RGL3: variants seen among roughly 807,000 people sequenced by gnomAD.
The protein encoded by RGL3 is ral guanine nucleotide dissociation stimulator like 3.
RGL3 carries 85 observed loss-of-function variants against 90.6 expected under a neutral mutation model. The ratio of observed to expected loss-of-function variants is 0.94; its 90% confidence interval spans 0.79 to 1.12. The LOEUF (loss-of-function observed/expected upper bound fraction) is 1.12. Ranked by LOEUF, RGL3 falls within the 50% of genes most tolerant of loss-of-function variation. RGL3 has a pLI of 0.00. For missense variants in RGL3, 1,034 were observed against 939.2 expected, an observed-to-expected ratio of 1.10 and a Z score of -1.32; for synonymous variants, 408 against 385.5, an observed-to-expected ratio of 1.06 and a Z score of -0.68.
rs12610385 is a variant in RGL3, at chr19:11,396,389, C to T, written c.2014+855G>A. Among the ~76,000 whole-genome samples, 1,332 of 150,874 alleles carry T rather than the reference C, an allele frequency of 8.8e-3. 21 individuals are homozygous for T. Among genetic ancestry groups the T allele is most frequent in the East Asian group, 0.059 (299 of 5,078 alleles). ...TTCACCATGTTGGCCAGGCTGGTCT[C>T]GAACTCCTGACCTCAAGTGATCCAC... On this transcript the variant is annotated intron_variant, in intron 18 of 18. Transcript: ENST00000380456.
chr19:11,418,608 C>A, intron 2 of RGL3, 63 bp downstream of exon 2: 1 of 1,346,718 alleles, frequency 7.4e-7, no homozygotes, highest in Non-Finnish European at 1.0e-6. Flanking sequence ...GTGCTCGGCT[C>A]TCCAGCTCCG....
intron 1 of RGL3, 118 bp downstream of exon 1, chr19:11,419,128 G>A: frequency 9.0e-7 from 1 of 1,114,612 alleles, no homozygotes; most frequent in Non-Finnish European, 1.3e-6. Flanking sequence ...GTCCCCAGGA[G>A]GGGACTCCAG....
At position 11,416,088 on chromosome 19, in the gene RGL3, GT is replaced by G; in HGVS notation, c.485del (p.His162ProfsTer94). On this transcript the variant is annotated frameshift_variant, in exon 5 of 19. Coordinates refer to ENST00000380456, the MANE Select transcript of RGL3 (RefSeq NM_001035223.4). LOFTEE classifies it high-confidence loss of function. ...LQDHPQDFRDHPAHSDLGSVR... is the reference protein window; with the variant it reads ...LQDHPQDFRDXPAHSDLGSVR... ...CACTGCCCAGGTCCGAATGGGCAGG[GT>G]GGTCTCGGAAATCCTGAGGGTGGTC... is the stretch of plus-strand genomic sequence containing the variant. 3 of 1,609,340 alleles carry G rather than the reference GT, an allele frequency of 1.9e-6. No individual in the cohort carries two copies. The highest frequency in any genetic ancestry group is 2.2e-5 in the East Asian group (1 of 44,800).
At chr19:11,396,523 C>T (rs1968576155) in intron 18 of RGL3, among the ~76,000 whole-genome samples, 2 of 151,576 alleles carry the variant, frequency 1.3e-5, no homozygotes, top group African/African-American at 4.9e-5. Context: ...CCAGGCTGGT[C>T]TCAAACTCCT....
intron 2 of RGL3, chr19:11,418,459 C>G: frequency 1.7e-6 from 1 of 579,218 alleles, no homozygotes; most frequent in Non-Finnish European, 3.1e-6. Context: ...GGGAACTGCG[C>G]GGCCATCGCC....
At chr19:11,405,946 T>C (rs1230433590) in intron 7 of RGL3, among the ~76,000 whole-genome samples, 4 of 151,126 alleles carry the variant, frequency 2.6e-5, no homozygotes, top group Non-Finnish European at 5.9e-5. Context: ...CCTAGGCTGG[T>C]CTCAAACTCA....
chr19:11,413,889 G>A (rs1968914013), intron 5 of RGL3, among the ~76,000 whole-genome samples: 2 of 147,860 alleles, frequency 1.4e-5, no homozygotes, highest in East Asian at 2.0e-4. Flanking sequence ...GACTACAGGC[G>A]CTCGCCACCA....
At chr19:11,406,701 G>A (rs1335636423) in intron 6 of RGL3, 21 bp downstream of exon 6, 5 of 1,612,772 alleles carry the variant, frequency 3.1e-6, no homozygotes, top group Non-Finnish European at 4.2e-6. Flanking sequence ...GGCTCATCCC[G>A]ACCCTGTCCG....
intron 5 of RGL3, chr19:11,411,498 C>T (rs1017900780): frequency 6.6e-6 from 1 of 152,156 alleles, no homozygotes. Context: ...GTGGTCCCAG[C>T]TACTCAGGAG....
intron 16 of RGL3, among the ~76,000 whole-genome samples, chr19:11,397,999 A>T (rs444731): frequency 0.16 from 23,477 of 151,270 alleles, 2,926 homozygotes; most frequent in African/African-American, 0.36. Context: ...ACAGAGCAAG[A>T]CTCCATCTCA....
intron 9 of RGL3, among the ~76,000 whole-genome samples, chr19:11,403,601 T>C (rs1968719333): frequency 6.9e-6 from 1 of 144,186 alleles, no homozygotes; most frequent in African/African-American, 2.6e-5. Flanking sequence ...GATCGCACCA[T>C]TGCACTCCAG....
intron 5 of RGL3, among the ~76,000 whole-genome samples, chr19:11,412,280 C>CAAAAAA (rs35289278): frequency 1.5e-5 from 1 of 65,630 alleles, no homozygotes. Context: ...AACTCCGTCT[C>CAAAAAA]AAAAAAAAAA....
In RGL3 at chr19:11,397,557, G is replaced by A. The variant is rs770731388; in HGVS notation, c.1787C>T (p.Ala596Val). 4 of 1,599,368 alleles carry A rather than the reference G, an allele frequency of 2.5e-6. No individual in the cohort carries two copies. The South Asian group carries it at 3.3e-5, about 13-fold the overall frequency. ...SLDLPSPRPF[A>V]LPLGSPRIPL... ...GATTCGAGGGCTGCCCAGAGGCAAA[G>A]CGAAGGGCCGGGGGCTGGGCAGGTC... Residue 596 changes from alanine (A) to valine (V), a missense_variant, in exon 17 of 19, where the codon GCT becomes GTT. Ala to Val is a moderately conservative substitution (Grantham distance 64, BLOSUM62 0). Coordinates refer to ENST00000380456, the MANE Select transcript of RGL3 (RefSeq NM_001035223.4).
chr19:11,415,787 T>A, intron 5 of RGL3, 150 bp downstream of exon 5: 1 of 761,320 alleles, frequency 1.3e-6, no homozygotes, highest in South Asian at 1.9e-5. Context: ...AAAGAATTAT[T>A]ATCCCCATTG....
At chr19:11,396,696 G>A (rs1272883502) in intron 18 of RGL3, among the ~76,000 whole-genome samples, 1 of 131,422 alleles carries the variant, frequency 7.6e-6, no homozygotes, top group Admixed American at 8.4e-5. Context: ...ACAGAGTCTC[G>A]CTCTGCTGCC....
At chr19:11,417,540 G>A (rs566598679) in intron 2 of RGL3, among the ~76,000 whole-genome samples, 1 of 143,264 alleles carries the variant, frequency 7.0e-6, no homozygotes, top group Admixed American at 7.5e-5. Context: ...GCGTGATCTT[G>A]GCTCACTGCA....
At chr19:11,405,254 G>T in intron 8 of RGL3, 23 bp from the exon 9 acceptor site, 1 of 1,613,094 alleles carries the variant, frequency 6.2e-7, no homozygotes, top group Non-Finnish European at 8.5e-7. Context: ...GAGAAGGGTG[G>T]TCAGGGGTCA....
In RGL3 at chr19:11,402,533, G is replaced by A. The variant is rs1350528134; in HGVS notation, c.1251C>T (p.Pro417=). The change falls in exon 11 of 19, where the codon CCC becomes CCT. Residue 417 remains proline (P), a synonymous_variant. Transcript: ENST00000380456. Reference sequence around the variant, plus strand: ...TGCCAAGGTAGGGGACAGGGCCTGGGGGTGGTTTCTGCAGCCCCCAAAGCT... The same window carrying A: ...TGCCAAGGTAGGGGACAGGGCCTGGAGGTGGTTTCTGCAGCCCCCAAAGCT... ...NTPGSLPSKP[P]PGPVPYLGTF... The A allele has an allele frequency of 6.2e-7, 1 of 1,605,856 alleles. No homozygotes were observed. Among genetic ancestry groups the A allele is most frequent in the South Asian group, 1.1e-5 (1 of 90,416 alleles).
At position 11,410,626 on chromosome 19, in the gene RGL3, G is replaced by T. The variant is rs562709281; in HGVS notation, c.638-3762C>A. Among the ~76,000 whole-genome samples, 3 of 152,004 alleles carry T rather than the reference G, an allele frequency of 2.0e-5. No individual in the cohort carries two copies. In the South Asian group the frequency reaches 6.2e-4, roughly 32 times the overall value. ...GAGCCCAGGAGGTCAAGGCTGCAGT[G>T]AGCTGTGATCATGCCATAGCACTCC... On this transcript the variant is annotated intron_variant, in intron 5 of 18. Coordinates refer to ENST00000380456, the MANE Select transcript of RGL3 (RefSeq NM_001035223.4).
Sources: allele counts gnomAD v4.1 joint callset (sites outside exome capture counted in the v4.1 genomes callset), GRCh38; gene constraint gnomAD v4.1.1; transcripts MANE v1.5; gene names NCBI Gene and HGNC (gene_info 2026-07-23, HGNC 2026-07-21).